TTC1: variants seen among roughly 807,000 people sequenced by gnomAD.
The protein encoded by TTC1 is tetratricopeptide repeat domain 1, also known as tetratricopeptide repeat protein 1.
TTC1 carries 31 observed loss-of-function variants against 37.6 expected under a neutral mutation model. That is an observed-to-expected ratio of 0.82 (90% confidence interval 0.62 to 1.11). The LOEUF is 1.11. Among genes scored for constraint, TTC1 ranks in the 50% most tolerant of loss-of-function variants. The pLI is 0.00. For missense variants in TTC1, 351 were observed against 339.0 expected, an observed-to-expected ratio of 1.04 and a Z score of -0.28; for synonymous variants, 127 against 122.4, an observed-to-expected ratio of 1.04 and a Z score of -0.25.
At chr5:160,046,128 A>G (rs537410364) in intron 5 of TTC1, among the ~76,000 whole-genome samples, 1 of 152,308 alleles carries the variant, frequency 6.6e-6, no homozygotes, top group South Asian at 2.1e-4. Context: ...TTTCATTGAA[A>G]TAATTGTCTA....
Position 160,024,075 on chromosome 5 carries a change from G to A in TTC1, c.331-11065G>A, listed in dbSNP as rs551164804. On this transcript the variant is annotated intron_variant, in intron 2 of 7. Coordinates refer to ENST00000231238, the MANE Select transcript of TTC1 (RefSeq NM_003314.3). Reference sequence around the variant, plus strand: ...TATACTCTGGTTAGCATGTAAGTGTGGGGGGATGGGCAATGGGTAGAGCCT... The same window carrying A: ...TATACTCTGGTTAGCATGTAAGTGTAGGGGGATGGGCAATGGGTAGAGCCT... 56 of 983,790 alleles carry A rather than the reference G, an allele frequency of 5.7e-5. No homozygotes were observed. The African/African-American group carries it at 8.8e-4, about 15-fold the overall frequency. 60.9% of individuals were successfully genotyped at this position (983,790 alleles called of 1,614,324 possible).
At chr5:160,026,544 G>A (rs1393000373) in intron 2 of TTC1, among the ~76,000 whole-genome samples, 2 of 152,042 alleles carry the variant, frequency 1.3e-5, no homozygotes, top group Admixed American at 6.6e-5. Flanking sequence ...CCTTTTTACC[G>A]TTATGAAATA....
At chr5:160,036,566 G>A (rs1216225971) in intron 3 of TTC1, 125 bp from the exon 4 acceptor site, 3 of 660,294 alleles carry the variant, frequency 4.5e-6, no homozygotes, top group East Asian at 2.7e-5. Flanking sequence ...TTAATAGACT[G>A]TTACCATCTT....
intron 2 of TTC1, among the ~76,000 whole-genome samples, chr5:160,025,224 G>A (rs1052693449): frequency 6.6e-6 from 1 of 152,028 alleles, no homozygotes; most frequent in East Asian, 1.9e-4. Flanking sequence ...GATGGGGTTT[G>A]ACCATGTTGG....
intron 2 of TTC1, 69 bp from the exon 3 acceptor site, chr5:160,035,071 G>T: frequency 7.2e-7 from 1 of 1,381,552 alleles, no homozygotes; most frequent in South Asian, 1.5e-5. Context: ...TGTGCATAAG[G>T]AAAGCTCACC....
chr5:160,035,676 C>G (rs1183879789), intron 3 of TTC1, among the ~76,000 whole-genome samples: 1 of 152,158 alleles, frequency 6.6e-6, no homozygotes, highest in Admixed American at 6.5e-5. Flanking sequence ...AAAGGTTGCT[C>G]TTTCATGTGC....
chr5:160,053,240 G>T (rs1757450747), intron 7 of TTC1, among the ~76,000 whole-genome samples: 2 of 152,174 alleles, frequency 1.3e-5, no homozygotes. Flanking sequence ...TCATCTTTAT[G>T]CTAGTTCCTG....
intron 2 of TTC1, among the ~76,000 whole-genome samples, chr5:160,032,111 T>C (rs1756921175): frequency 6.6e-6 from 1 of 152,246 alleles, no homozygotes; most frequent in Non-Finnish European, 1.5e-5. Flanking sequence ...CTTGATGTTA[T>C]AAATTTCCCA....
chr5:160,057,771 CGT>C lies in TTC1; in HGVS notation c.745+6604_745+6605del, dbSNP rs140239164. Among the ~76,000 whole-genome samples, 2 of 150,454 alleles carry C rather than the reference CGT, an allele frequency of 1.3e-5. No homozygotes were observed. Among genetic ancestry groups the C allele is most frequent in the East Asian group, 2.0e-4 (1 of 5,122 alleles). On this transcript the variant is annotated intron_variant, in intron 7 of 7. Transcript: ENST00000231238. This position sits in a 1 kb window ranked among gnomAD's most constrained non-coding sequence, Gnocchi z 4.4. ...GTTATGTAATATTTGGGGGTTTGTG[CGT>C]GTGTGTGTGTGTGTGACACAGAGCC... is the stretch of plus-strand genomic sequence containing the variant.
intron 2 of TTC1, among the ~76,000 whole-genome samples, chr5:160,012,949 C>G (rs1489301253): frequency 6.6e-6 from 1 of 152,194 alleles, no homozygotes; most frequent in South Asian, 2.1e-4. Flanking sequence ...TCTTCTGATT[C>G]CTGTCCCATA....
At position 160,058,401 on chromosome 5, in the gene TTC1, G is replaced by A. The variant is rs376957561; in HGVS notation, c.746-6531G>A. 5.1e-4 allele frequency among the ~76,000 whole-genome samples: 76 copies of A among 149,940 alleles called. 1 individual carries two copies. The highest frequency in any genetic ancestry group is 1.5e-3 in the African/African-American group (62 of 40,784). On this transcript the variant is annotated intron_variant, in intron 7 of 7. Transcript: ENST00000231238. ...ATCTCAGCAGCCATAGCCATATGAA[G>A]TGTATTTCTTTTTTTTTTTTTTTTT...
At chr5:160,059,126 A>G (rs994156875) in intron 7 of TTC1, among the ~76,000 whole-genome samples, 1 of 152,200 alleles carries the variant, frequency 6.6e-6, no homozygotes, top group Non-Finnish European at 1.5e-5. Context: ...CTTTGAAGCC[A>G]GGCATTGAAT....
intron 4 of TTC1, 49 bp from the exon 5 acceptor site, chr5:160,043,084 A>G (rs774528963): frequency 2.7e-5 from 43 of 1,595,906 alleles, no homozygotes; most frequent in Middle Eastern, 1.7e-4. Flanking sequence ...CCTTTGGGCC[A>G]TTAAGATAAA....
chr5:160,028,928 CCATAAA>C (rs1756858806), intron 2 of TTC1, among the ~76,000 whole-genome samples: 3 of 152,128 alleles, frequency 2.0e-5, no homozygotes, highest in African/African-American at 7.2e-5. Context: ...TTAAAATTGA[CCATAAA>C]CAGAAACAAG....
intron 2 of TTC1, among the ~76,000 whole-genome samples, chr5:160,034,126 CT>C (rs978923159): frequency 0.065 from 7,443 of 114,542 alleles, 218 homozygotes; most frequent in East Asian, 0.13. Flanking sequence ...GACCCTATCT[CT>C]TTTTTTTTTT....
chr5:160,050,620 A>G (rs1048855399), intron 6 of TTC1, among the ~76,000 whole-genome samples: 1 of 141,576 alleles, frequency 7.1e-6, no homozygotes, highest in Non-Finnish European at 1.5e-5. Context: ...AACAGAGCCA[A>G]ACAAAACTTT....
chr5:160,049,810 G>A, intron 6 of TTC1, 148 bp downstream of exon 6: 1 of 692,182 alleles, frequency 1.4e-6, no homozygotes, highest in Non-Finnish European at 2.2e-6. Flanking sequence ...AGGCGCAGTG[G>A]CTCTTGCCTG....
intron 2 of TTC1, among the ~76,000 whole-genome samples, chr5:160,023,397 T>C (rs1756746606): frequency 6.6e-6 from 1 of 151,604 alleles, no homozygotes. Context: ...GCTCAAGTGA[T>C]CCTTCCCCCT....
chr5:160,043,024 C>A, intron 4 of TTC1, 109 bp from the exon 5 acceptor site: 2 of 1,136,000 alleles, frequency 1.8e-6, no homozygotes, highest in Non-Finnish European at 2.5e-6. Context: ...CTTTGAAAAC[C>A]ATTCTGTATC....
Sources: allele counts gnomAD v4.1 joint callset (sites outside exome capture counted in the v4.1 genomes callset), GRCh38; gene constraint gnomAD v4.1.1; non-coding constraint Gnocchi (gnomAD v3.1); transcripts MANE v1.5; gene names NCBI Gene and HGNC (gene_info 2026-07-23, HGNC 2026-07-21).